CDK14: variants seen among roughly 807,000 people sequenced by gnomAD.
The protein encoded by CDK14 is cyclin dependent kinase 14.
CDK14 carries 34 observed loss-of-function variants against 60.7 expected under a neutral mutation model. The observed-to-expected ratio is 0.56, with a 90% CI of 0.43 to 0.75. The LOEUF is 0.75. Among genes scored for constraint, CDK14 ranks in the 30% least tolerant of loss-of-function variants. The probability of loss-of-function intolerance (pLI) is 0.00; values close to 1 mark genes in which losing one functional copy is unlikely to be tolerated. For synonymous variants in CDK14, 197 were observed against 203.7 expected (o/e 0.97, Z 0.28); for missense variants, 482 against 564.1 (o/e 0.85, Z 1.47).
intron 5 of CDK14, among the ~76,000 whole-genome samples, chr7:90,828,484 TC>T (rs1339237383): frequency 2.0e-5 from 3 of 152,042 alleles, no homozygotes; most frequent in East Asian, 3.9e-4. Context: ...TCAGCTAATC[TC>T]TTAAACTTCT....
chr7:91,193,875 T>C (rs1427567586), intron 14 of CDK14, among the ~76,000 whole-genome samples: 2 of 152,308 alleles, frequency 1.3e-5, no homozygotes, highest in East Asian at 3.9e-4. Context: ...CAGTTTTATG[T>C]GGAGGTTCTT....
intron 8 of CDK14, among the ~76,000 whole-genome samples, chr7:90,942,062 C>CA (rs1321137857): frequency 6.6e-6 from 1 of 152,190 alleles, no homozygotes; most frequent in Non-Finnish European, 1.5e-5. Context: ...CAGGGCAGAG[C>CA]AGAGGTATCA....
rs114744934 is a variant in CDK14 at position 90,878,588 on chromosome 7, T to C, written c.639+15319T>C. On this transcript the variant is annotated intron_variant, in intron 6 of 14. Coordinates refer to ENST00000380050, the MANE Select transcript of CDK14 (RefSeq NM_001287135.2). ...TCCAAGACTTACAAAGATTAATTTA[T>C]AAATGTAGTTAACCCTTCAGTTTAA... 8.4e-4 allele frequency among the ~76,000 whole-genome samples: 128 copies of C among 151,906 alleles called. 1 individual carries two copies. Among genetic ancestry groups the C allele is most frequent in the African/African-American group, 3.0e-3 (123 of 41,156 alleles).
chr7:91,130,087 A>G (rs947621191), intron 14 of CDK14, among the ~76,000 whole-genome samples: 4 of 152,164 alleles, frequency 2.6e-5, no homozygotes, highest in African/African-American at 9.6e-5. Flanking sequence ...TATATCTGAA[A>G]GGGCTATTAA....
At chr7:91,097,664 G>T (rs1799034503) in intron 12 of CDK14, among the ~76,000 whole-genome samples, 1 of 152,012 alleles carries the variant, frequency 6.6e-6, no homozygotes. Context: ...AACATTTGAG[G>T]CGTGTAATGG....
At position 90,986,775 on chromosome 7, in the gene CDK14, G is replaced by C. The variant is rs115764167; in HGVS notation, c.1041+2534G>C. On this transcript the variant is annotated intron_variant, in intron 10 of 14. Transcript: ENST00000380050. ...TATTTACATAAAGCTCATGTATAAT[G>C]ATAATAATAGTATAACCAAATTATA... Among the ~76,000 whole-genome samples the C allele has an allele frequency of 5.3e-3, 811 of 151,908 alleles. 6 individuals are homozygous for C. Among genetic ancestry groups the C allele is most frequent in the African/African-American group, 0.018 (726 of 41,484 alleles).
intron 14 of CDK14, among the ~76,000 whole-genome samples, chr7:91,145,840 C>T (rs1375381384): frequency 6.6e-6 from 1 of 152,180 alleles, no homozygotes; most frequent in Non-Finnish European, 1.5e-5. Flanking sequence ...GAAGAGCTAC[C>T]TGTTGGGTAA....
At chr7:91,165,240 T>C (rs1295242950) in intron 14 of CDK14, among the ~76,000 whole-genome samples, 1 of 152,214 alleles carries the variant, frequency 6.6e-6, no homozygotes, top group Non-Finnish European at 1.5e-5. Flanking sequence ...TTGTTGCACA[T>C]TTCTTCCAAC....
chr7:91,123,174 C>T (rs1382209032), intron 14 of CDK14, among the ~76,000 whole-genome samples: 1 of 152,126 alleles, frequency 6.6e-6, no homozygotes, highest in Non-Finnish European at 1.5e-5. Flanking sequence ...TGCATTTTCT[C>T]AACTATAGAC....
intron 11 of CDK14, among the ~76,000 whole-genome samples, chr7:91,063,235 C>T (rs1280524403): frequency 6.6e-6 from 1 of 152,148 alleles, no homozygotes; most frequent in Non-Finnish European, 1.5e-5. Flanking sequence ...TCACATAGCT[C>T]CTTCAAGACA....
chr7:90,778,286 C>G (rs1373152484), intron 4 of CDK14, among the ~76,000 whole-genome samples: 1 of 152,228 alleles, frequency 6.6e-6, no homozygotes, highest in African/African-American at 2.4e-5. Context: ...ATGCTAAAAT[C>G]AGGAAGTAAT....
intron 8 of CDK14, among the ~76,000 whole-genome samples, chr7:90,953,540 G>T (rs1224510543): frequency 2.0e-5 from 3 of 152,144 alleles, no homozygotes. Context: ...GAAATTACAT[G>T]TGGTTATTTT....
At chr7:91,179,665 T>C (rs762618306) in intron 14 of CDK14, among the ~76,000 whole-genome samples, 34 of 152,056 alleles carry the variant, frequency 2.2e-4, no homozygotes, top group Non-Finnish European at 1.8e-4. Context: ...TAGCCGGGCG[T>C]GGTGGCGGGC....
chr7:91,065,285 G>A lies in CDK14; in HGVS notation c.1106-14147G>A, dbSNP rs188135359. The stretch of plus-strand genomic sequence containing the variant: ...CAGTGCAATTCTGTTCAGCATTGAT[G>A]TGTTACATCAAAACCTCTCACTGAT... On this transcript the variant is annotated intron_variant, in intron 11 of 14. Coordinates refer to ENST00000380050, the MANE Select transcript of CDK14 (RefSeq NM_001287135.2). 2.0e-5 allele frequency among the ~76,000 whole-genome samples: 3 copies of A among 152,246 alleles called. No homozygotes were observed. In the East Asian group the frequency reaches 5.8e-4, roughly 29 times the overall value.
intron 2 of CDK14, among the ~76,000 whole-genome samples, chr7:90,705,920 T>C (rs1801886943): frequency 6.6e-6 from 1 of 151,976 alleles, no homozygotes; most frequent in South Asian, 2.1e-4. Flanking sequence ...GAAGATTAGA[T>C]TGTGTTTATT....
intron 12 of CDK14, among the ~76,000 whole-genome samples, chr7:91,108,655 G>A (rs1007271512): frequency 4.6e-5 from 7 of 152,140 alleles, no homozygotes; most frequent in South Asian, 2.1e-4. Flanking sequence ...AACAGTGTAC[G>A]TCAGATTTGT....
At chr7:91,042,718 C>T (rs759092096) in intron 10 of CDK14, among the ~76,000 whole-genome samples, 4 of 152,134 alleles carry the variant, frequency 2.6e-5, no homozygotes, top group African/African-American at 4.8e-5. Flanking sequence ...TTTAAGTGTT[C>T]GTGGCACCTC....
At chr7:90,823,392 A>G (rs1206437461) in intron 5 of CDK14, among the ~76,000 whole-genome samples, 1 of 152,258 alleles carries the variant, frequency 6.6e-6, no homozygotes, top group African/African-American at 2.4e-5. Flanking sequence ...GAATCTTCAA[A>G]ATAACTGGGA....
intron 12 of CDK14, among the ~76,000 whole-genome samples, chr7:91,091,356 TTA>T (rs1220761633): frequency 6.9e-6 from 1 of 145,006 alleles, no homozygotes; most frequent in Non-Finnish European, 1.5e-5. Flanking sequence ...TGTATATAAA[TTA>T]TATATACATA....
Sources: allele counts gnomAD v4.1 joint callset (sites outside exome capture counted in the v4.1 genomes callset), GRCh38; gene constraint gnomAD v4.1.1; transcripts MANE v1.5; gene names NCBI Gene and HGNC (gene_info 2026-07-23, HGNC 2026-07-21).